Variants in SDCCAG8 observed in about 807,000 individuals in gnomAD.
SDCCAG8 encodes SHH signaling and ciliogenesis regulator SDCCAG8.
SDCCAG8 carries 74 observed loss-of-function variants against 101.8 expected under a neutral mutation model. The observed-to-expected ratio is 0.73, with a 90% CI of 0.60 to 0.88. The LOEUF (loss-of-function observed/expected upper bound fraction) is 0.88. Ranked by LOEUF, SDCCAG8 falls within the 40% of genes least tolerant of loss-of-function variation. The pLI, the probability that SDCCAG8 is intolerant of heterozygous loss-of-function variation, is 0.00. For synonymous variants in SDCCAG8, 281 were observed against 292.9 expected (o/e 0.96, Z 0.41); for missense variants, 787 against 822.6 (o/e 0.96, Z 0.53).
intron 13 of SDCCAG8, among the ~76,000 whole-genome samples, chr1:243,412,398 C>T (rs140701282): frequency 7.9e-5 from 12 of 152,110 alleles, no homozygotes; most frequent in African/African-American, 1.4e-4. Context: ...CAAAAAGGCC[C>T]GTGCATAAAT....
At chr1:243,430,718 G>A (rs554342756) in intron 16 of SDCCAG8, among the ~76,000 whole-genome samples, 84 of 152,188 alleles carry the variant, frequency 5.5e-4, no homozygotes, top group African/African-American at 2.0e-3. Flanking sequence ...GATTACAGGC[G>A]TGAGCTACCG....
chr1:243,453,886 T>G (rs11810833), intron 16 of SDCCAG8, among the ~76,000 whole-genome samples: 20,965 of 152,194 alleles, frequency 0.14, 1,542 homozygotes, highest in Non-Finnish European at 0.15. Context: ...ACCTGAGACC[T>G]ATATTCTCCA....
chr1:243,447,517 C>T (rs1363425969), intron 16 of SDCCAG8, among the ~76,000 whole-genome samples: 1 of 151,770 alleles, frequency 6.6e-6, no homozygotes, highest in Non-Finnish European at 1.5e-5. Context: ...CCTGCGCACG[C>T]ACACACACAC....
chr1:243,344,426 A>G, intron 12 of SDCCAG8, 95 bp downstream of exon 12: 2 of 1,005,864 alleles, frequency 2.0e-6, no homozygotes, highest in Non-Finnish European at 3.1e-6. Context: ...ATTTATTTGT[A>G]TTGTTTCTAA....
At chr1:243,486,199 C>T (rs538645913) in intron 16 of SDCCAG8, among the ~76,000 whole-genome samples, 3 of 92,990 alleles carry the variant, frequency 3.2e-5, no homozygotes, top group African/African-American at 1.3e-4. Flanking sequence ...AAAACTCTGC[C>T]TCCAAAAAAA....
At chr1:243,441,320 G>A (rs557077828) in intron 16 of SDCCAG8, among the ~76,000 whole-genome samples, 170 of 152,296 alleles carry the variant, frequency 1.1e-3, no homozygotes, top group African/African-American at 3.8e-3. Flanking sequence ...GATGCCAAAC[G>A]TGCTGTTCAT....
At chr1:243,282,261 T>C (rs2069127555) in intron 4 of SDCCAG8, among the ~76,000 whole-genome samples, 1 of 152,144 alleles carries the variant, frequency 6.6e-6, no homozygotes, top group Admixed American at 6.5e-5. Flanking sequence ...TTGCAGTAAA[T>C]ATTTATAACT....
At chr1:243,436,773 C>G (rs2082162144) in intron 16 of SDCCAG8, among the ~76,000 whole-genome samples, 1 of 152,036 alleles carries the variant, frequency 6.6e-6, no homozygotes, top group South Asian at 2.1e-4. Context: ...TTTGCTTTTT[C>G]TACAATTAAC....
intron 5 of SDCCAG8, among the ~76,000 whole-genome samples, chr1:243,290,262 G>C (rs2070108433): frequency 6.6e-6 from 1 of 151,302 alleles, no homozygotes; most frequent in Admixed American, 6.6e-5. Context: ...GATCTTCAAG[G>C]ATTTAACATA....
chr1:243,326,623 A>T (rs1402827634), intron 9 of SDCCAG8, among the ~76,000 whole-genome samples: 1 of 152,206 alleles, frequency 6.6e-6, no homozygotes, highest in Non-Finnish European at 1.5e-5. Flanking sequence ...CATAAGTTAG[A>T]TGTTTGAAAT....
intron 16 of SDCCAG8, among the ~76,000 whole-genome samples, chr1:243,477,954 C>T (rs947532287): frequency 6.6e-6 from 1 of 152,220 alleles, no homozygotes; most frequent in Non-Finnish European, 1.5e-5. Context: ...AACAATCAAA[C>T]ACTGCTTCCT....
intron 16 of SDCCAG8, among the ~76,000 whole-genome samples, chr1:243,437,165 G>A (rs2082189744): frequency 6.6e-6 from 1 of 152,114 alleles, no homozygotes; most frequent in Non-Finnish European, 1.5e-5. Flanking sequence ...TTCTGTAGTT[G>A]TGTTTGTTGC....
At chr1:243,347,562 A>G (rs2075792898) in intron 12 of SDCCAG8, among the ~76,000 whole-genome samples, 2 of 152,236 alleles carry the variant, frequency 1.3e-5, no homozygotes, top group South Asian at 4.1e-4. Flanking sequence ...TTATTTTTAT[A>G]AAATGCCTCA....
rs113104925 is a variant in SDCCAG8, at chr1:243,470,076, C to A, written c.1986-18938C>A. Reference sequence around the variant, plus strand: ...TCATAGTTCCACACACAAGAAAAACCATGTCTGGTTAACAACACAAGGTCT... The same window carrying A: ...TCATAGTTCCACACACAAGAAAAACAATGTCTGGTTAACAACACAAGGTCT... On this transcript the variant is annotated intron_variant, in intron 16 of 17. Coordinates refer to ENST00000366541, the MANE Select transcript of SDCCAG8 (RefSeq NM_006642.5). 7.1e-3 allele frequency among the ~76,000 whole-genome samples: 1,078 copies of A among 151,816 alleles called. 16 individuals are homozygous for A. Among genetic ancestry groups the A allele is most frequent in the African/African-American group, 0.025 (1,043 of 41,388 alleles).
intron 13 of SDCCAG8, among the ~76,000 whole-genome samples, chr1:243,385,632 G>A (rs986329618): frequency 2.6e-5 from 4 of 152,132 alleles, no homozygotes; most frequent in African/African-American, 4.8e-5. Flanking sequence ...TACACACAGC[G>A]ATCAAACAGA....
intron 13 of SDCCAG8, among the ~76,000 whole-genome samples, chr1:243,394,201 AG>A (rs1190557886): frequency 6.6e-6 from 1 of 151,776 alleles, no homozygotes; most frequent in Non-Finnish European, 1.5e-5. Context: ...TTGGAGGGGG[AG>A]GGGGAAACAT....
intron 6 of SDCCAG8, among the ~76,000 whole-genome samples, chr1:243,302,736 G>T (rs543086114): frequency 1.3e-5 from 2 of 152,274 alleles, no homozygotes; most frequent in African/African-American, 4.8e-5. Context: ...CTCCTTGCCT[G>T]CAAACACAAT....
chr1:243,261,781 GA>G (rs1338458087), intron 1 of SDCCAG8, among the ~76,000 whole-genome samples: 1 of 151,812 alleles, frequency 6.6e-6, no homozygotes, highest in Non-Finnish European at 1.5e-5. Context: ...ACATAAACAT[GA>G]GGGGTTTTTT....
chr1:243,453,196 G>C (rs998062575), intron 16 of SDCCAG8, among the ~76,000 whole-genome samples: 5 of 152,132 alleles, frequency 3.3e-5, no homozygotes, highest in African/African-American at 1.2e-4. Flanking sequence ...TTCAGACTGG[G>C]GATCACAAAA....
Sources: allele counts gnomAD v4.1 joint callset (sites outside exome capture counted in the v4.1 genomes callset), GRCh38; gene constraint gnomAD v4.1.1; transcripts MANE v1.5; gene names NCBI Gene and HGNC (gene_info 2026-07-23, HGNC 2026-07-21).